The following ANO2 variants were observed in gnomAD, a reference collection of about 807,000 sequenced individuals.
ANO2 encodes anoctamin-2.
In ANO2, 101 loss-of-function variants were observed where a neutral mutation model predicts 124.2. The ratio of observed to expected loss-of-function variants is 0.81; its 90% CI spans 0.69 to 0.96. The LOEUF (loss-of-function observed/expected upper bound fraction) is 0.96. Among genes scored for constraint, ANO2 ranks in the 40% least tolerant of loss-of-function variants. The probability of loss-of-function intolerance (pLI) is 0.00; values close to 1 mark genes in which losing one functional copy is unlikely to be tolerated. For synonymous variants in ANO2, 486 were observed against 482.5 expected, an observed-to-expected ratio of 1.01 and a Z score of -0.09; for missense variants, 1,293 against 1,274.5, an observed-to-expected ratio of 1.01 and a Z score of -0.22.
At chr12:5,825,575 A>G (rs1231118556) in intron 7 of ANO2, among the ~76,000 whole-genome samples, 1 of 152,160 alleles carries the variant, frequency 6.6e-6, no homozygotes, top group Non-Finnish European at 1.5e-5. Flanking sequence ...ATTCCATTAA[A>G]CTGGAAGTTA....
intron 14 of ANO2, among the ~76,000 whole-genome samples, chr12:5,678,618 G>A (rs145000848): frequency 1.1e-3 from 168 of 152,298 alleles, no homozygotes; most frequent in African/African-American, 3.8e-3. Flanking sequence ...TCTGTGCTAC[G>A]TGGAATTAGA....
At chr12:5,744,121 C>T (rs776789046) in intron 12 of ANO2, 36 bp downstream of exon 12, 4 of 1,611,276 alleles carry the variant, frequency 2.5e-6, no homozygotes. Flanking sequence ...TGTAAAGGAA[C>T]CACCCATATA....
intron 4 of ANO2, among the ~76,000 whole-genome samples, chr12:5,845,069 C>T (rs1223482425): frequency 6.6e-6 from 1 of 151,092 alleles, no homozygotes; most frequent in East Asian, 2.0e-4. Flanking sequence ...CCCAGGAGTT[C>T]GAGACCAGCC....
chr12:5,690,976 A>C (rs1177284595), intron 14 of ANO2, among the ~76,000 whole-genome samples: 1 of 152,226 alleles, frequency 6.6e-6, no homozygotes, highest in East Asian at 1.9e-4. Flanking sequence ...TGACAAGTCC[A>C]ACAGAGCCCC....
chr12:5,677,364 A>C (rs1330111681), intron 14 of ANO2, among the ~76,000 whole-genome samples: 1 of 152,244 alleles, frequency 6.6e-6, no homozygotes, highest in African/African-American at 2.4e-5. Context: ...TAGAGACCCA[A>C]AAAGGTAAAG....
chr12:5,798,134 AG>A (rs1380058117), intron 10 of ANO2, among the ~76,000 whole-genome samples: 1 of 152,144 alleles, frequency 6.6e-6, no homozygotes, highest in Admixed American at 6.5e-5. Flanking sequence ...CTTGAGATCC[AG>A]AGAGAAAGAT....
intron 13 of ANO2, chr12:5,733,150 A>C: frequency 3.7e-6 from 2 of 540,174 alleles, no homozygotes. Context: ...ACCAATAAAC[A>C]TCAAAGTCAA....
At chr12:5,717,587 G>A (rs1399736780) in intron 14 of ANO2, among the ~76,000 whole-genome samples, 1 of 152,144 alleles carries the variant, frequency 6.6e-6, no homozygotes, top group Non-Finnish European at 1.5e-5. Context: ...CCCTTCCCAT[G>A]AAAGCACCCA....
chr12:5,827,934 C>T, intron 6 of ANO2, 114 bp from the exon 7 acceptor site: 1 of 1,131,344 alleles, frequency 8.8e-7, no homozygotes, highest in Non-Finnish European at 1.2e-6. Context: ...CATTTGGAGC[C>T]AGGACGAAGC....
intron 11 of ANO2, among the ~76,000 whole-genome samples, chr12:5,747,805 CATTAA>C (rs935138480): frequency 1.3e-5 from 2 of 152,218 alleles, no homozygotes; most frequent in African/African-American, 4.8e-5. Flanking sequence ...CTTGAAAGCC[CATTAA>C]ATTGATTCCA....
At chr12:5,789,738 G>T (rs1181828645) in intron 10 of ANO2, among the ~76,000 whole-genome samples, 1 of 152,204 alleles carries the variant, frequency 6.6e-6, no homozygotes, top group Non-Finnish European at 1.5e-5. Flanking sequence ...CCCACAGAAT[G>T]CTGTGGTTTT....
In ANO2 at chr12:5,921,134, G is replaced by C. The variant is rs550810570; in HGVS notation, c.440C>G (p.Pro147Arg). 6.2e-7 allele frequency: 1 copy of C among 1,613,928 alleles called. No individual in the cohort carries two copies. The highest frequency in any genetic ancestry group is 1.3e-5 in the African/African-American group (1 of 75,026). Residue 147 changes from proline to arginine, a missense_variant, in exon 3 of 25, where the codon CCG becomes CGG. By Grantham distance (103) the Pro-to-Arg change is moderately radical. Coordinates refer to ENST00000682330, the MANE Select transcript of ANO2 (RefSeq NM_001364791.2). ...AGGPGDIELG[P>R]LDALEEERKE... ...CCTCTCCTCCTCCAGGGCATCGAGCGGTCCCAGCTCAATGTCACCTGGGCC... is the reference window on the plus strand; with the variant it reads ...CCTCTCCTCCTCCAGGGCATCGAGCCGTCCCAGCTCAATGTCACCTGGGCC...
intron 3 of ANO2, among the ~76,000 whole-genome samples, chr12:5,884,943 T>C (rs1565748588): frequency 1.3e-5 from 2 of 152,200 alleles, no homozygotes; most frequent in Non-Finnish European, 1.5e-5. Flanking sequence ...AGAAATCTGG[T>C]TCTGATTTGC....
intron 7 of ANO2, among the ~76,000 whole-genome samples, chr12:5,812,987 T>A (rs71435073): frequency 2.1e-5 from 3 of 141,954 alleles, no homozygotes; most frequent in South Asian, 2.3e-4. Context: ...GAAGGAAGGG[T>A]AAGCAAACAA....
At chr12:5,753,576 C>A (rs959032771) in intron 10 of ANO2, among the ~76,000 whole-genome samples, 1 of 152,056 alleles carries the variant, frequency 6.6e-6, no homozygotes, top group South Asian at 2.1e-4. Context: ...CTTTTATCAA[C>A]GTTTTATAGT....
At chr12:5,903,676 T>G (rs867057273) in intron 3 of ANO2, among the ~76,000 whole-genome samples, 2 of 149,696 alleles carry the variant, frequency 1.3e-5, no homozygotes, top group African/African-American at 2.5e-5. Context: ...TGTGTGTGTG[T>G]GGGTGTAGAC....
At chr12:5,633,218 T>C (rs1423064324) in intron 16 of ANO2, among the ~76,000 whole-genome samples, 1 of 152,236 alleles carries the variant, frequency 6.6e-6, no homozygotes, top group Non-Finnish European at 1.5e-5. Flanking sequence ...AGCCTCTTTT[T>C]CTGCCCTTCC....
At chr12:5,779,088 T>C (rs1952311070) in intron 10 of ANO2, among the ~76,000 whole-genome samples, 1 of 152,226 alleles carries the variant, frequency 6.6e-6, no homozygotes, top group Non-Finnish European at 1.5e-5. Flanking sequence ...TCAAATGACC[T>C]CTGGAGAACC....
At chr12:5,686,729 G>A (rs568203986) in intron 14 of ANO2, among the ~76,000 whole-genome samples, 5 of 152,364 alleles carry the variant, frequency 3.3e-5, no homozygotes, top group South Asian at 2.1e-4. Context: ...CACCAGCTGC[G>A]CTGACGTTCA....
Sources: allele counts gnomAD v4.1 joint callset (sites outside exome capture counted in the v4.1 genomes callset), GRCh38; gene constraint gnomAD v4.1.1; transcripts MANE v1.5; gene names NCBI Gene and HGNC (gene_info 2026-07-23, HGNC 2026-07-21).